ADCY2: variants seen among roughly 807,000 people sequenced by gnomAD.
ADCY2 encodes adenylate cyclase type 2.
A neutral mutation model predicts 125.2 loss-of-function variants in ADCY2; 31 were observed. The ratio of observed to expected loss-of-function variants is 0.25; its 90% CI spans 0.19 to 0.33. ADCY2 has a LOEUF of 0.33. Among genes scored for constraint, ADCY2 ranks in the 10% least tolerant of loss-of-function variants. The pLI, the probability that ADCY2 is intolerant of heterozygous loss-of-function variation, is 1.00. For synonymous variants in ADCY2, 512 were observed against 548.4 expected (o/e 0.93, Z 0.93); for missense variants, 904 against 1,418.2 (o/e 0.64, Z 5.82).
At chr5:7,426,182 C>A (rs986535052) in intron 2 of ADCY2, among the ~76,000 whole-genome samples, 5 of 152,154 alleles carry the variant, frequency 3.3e-5, no homozygotes, top group Admixed American at 3.3e-4. Context: ...AGATTAGTGC[C>A]CTCTAATAGG....
chr5:7,770,827 G>C (rs1188673246), intron 17 of ADCY2, among the ~76,000 whole-genome samples: 1 of 152,170 alleles, frequency 6.6e-6, no homozygotes, highest in Non-Finnish European at 1.5e-5. Flanking sequence ...CTTTGTGAAG[G>C]CCCTTTTTTC....
intron 2 of ADCY2, among the ~76,000 whole-genome samples, chr5:7,501,103 A>G (rs1187175083): frequency 9.3e-5 from 14 of 150,882 alleles, no homozygotes; most frequent in Admixed American, 2.0e-4. Context: ...CGCAAGTAAC[A>G]GCTACAATTT....
intron 3 of ADCY2, among the ~76,000 whole-genome samples, chr5:7,613,163 A>T (rs1053110794): frequency 6.6e-6 from 1 of 152,040 alleles, no homozygotes; most frequent in Non-Finnish European, 1.5e-5. Context: ...ATAATAATAA[A>T]AAAAAAAAGA....
chr5:7,825,180 G>A (rs113069956), intron 24 of ADCY2, among the ~76,000 whole-genome samples: 6 of 151,956 alleles, frequency 3.9e-5, no homozygotes, highest in South Asian at 2.1e-4. Context: ...GCTGCTGTGC[G>A]CCACGACAAC....
At chr5:7,607,929 C>A (rs1193450613) in intron 3 of ADCY2, among the ~76,000 whole-genome samples, 1 of 152,162 alleles carries the variant, frequency 6.6e-6, no homozygotes. Flanking sequence ...CTGGGGAGAC[C>A]TGTCAACACA....
chr5:7,632,272 A>G (rs1418240101), intron 4 of ADCY2, among the ~76,000 whole-genome samples: 1 of 152,190 alleles, frequency 6.6e-6, no homozygotes, highest in Non-Finnish European at 1.5e-5. Flanking sequence ...ATCTCAGACC[A>G]TTAATTAAAC....
chr5:7,435,525 G>A (rs1028255411), intron 2 of ADCY2, among the ~76,000 whole-genome samples: 14 of 152,268 alleles, frequency 9.2e-5, no homozygotes, highest in African/African-American at 3.4e-4. Flanking sequence ...TCTAAGTGCA[G>A]GAAACACTCT....
intron 3 of ADCY2, among the ~76,000 whole-genome samples, chr5:7,553,828 A>G (rs1239884398): frequency 1.3e-5 from 2 of 152,218 alleles, no homozygotes; most frequent in Non-Finnish European, 2.9e-5. Context: ...TTCAATCCAG[A>G]GCACCTTACC....
chr5:7,409,869 T>A (rs537018666), intron 1 of ADCY2, among the ~76,000 whole-genome samples: 1 of 152,206 alleles, frequency 6.6e-6, no homozygotes, highest in Non-Finnish European at 1.5e-5. Context: ...GTTTTATAGA[T>A]GTTTAAAATT....
At chr5:7,449,303 A>G (rs141729420) in intron 2 of ADCY2, among the ~76,000 whole-genome samples, 2 of 152,320 alleles carry the variant, frequency 1.3e-5, no homozygotes, top group African/African-American at 4.8e-5. Context: ...TTTTTCTTTT[A>G]AGAAATGTTG....
At chr5:7,516,029 C>G (rs1034670077) in intron 2 of ADCY2, among the ~76,000 whole-genome samples, 1 of 152,098 alleles carries the variant, frequency 6.6e-6, no homozygotes, top group Non-Finnish European at 1.5e-5. Flanking sequence ...CAGAATCATG[C>G]ATCTGGCAGT....
chr5:7,420,102 G>A (rs1049621821), intron 2 of ADCY2, among the ~76,000 whole-genome samples: 2 of 152,158 alleles, frequency 1.3e-5, no homozygotes, highest in Non-Finnish European at 2.9e-5. Flanking sequence ...TCTTCCATTT[G>A]TCACAGCTTG....
chr5:7,560,489 T>C (rs1735674210), intron 3 of ADCY2, among the ~76,000 whole-genome samples: 1 of 152,188 alleles, frequency 6.6e-6, no homozygotes, highest in Admixed American at 6.5e-5. Flanking sequence ...TGTCTTTATC[T>C]CATATCTACC....
intron 2 of ADCY2, among the ~76,000 whole-genome samples, chr5:7,470,473 A>G (rs1185171068): frequency 1.3e-5 from 2 of 149,962 alleles, no homozygotes; most frequent in South Asian, 2.1e-4. Flanking sequence ...TATCTAATAT[A>G]TGTATTAGAC....
rs965874119 is a variant in ADCY2, at chr5:7,768,798, A to G, written c.2214+1992A>G. On this transcript the variant is annotated intron_variant, in intron 17 of 24. Coordinates refer to ENST00000338316, the MANE Select transcript of ADCY2 (RefSeq NM_020546.3). ...GGTGGGATTTAGTAAACAGGCTACT[A>G]TCTTTCCAATCATGAGGCCTTGAAG... Among the ~76,000 whole-genome samples the G allele has an allele frequency of 3.3e-5, 5 of 152,344 alleles. 1 individual carries two copies. In the East Asian group the frequency reaches 7.7e-4, roughly 24 times the overall value.
chr5:7,656,625 C>A (rs1739337666), intron 4 of ADCY2, among the ~76,000 whole-genome samples: 1 of 152,200 alleles, frequency 6.6e-6, no homozygotes, highest in African/African-American at 2.4e-5. Context: ...GTTGTCCCAT[C>A]CCCACTCATA....
intron 6 of ADCY2, 66 bp from the exon 7 acceptor site, chr5:7,698,181 T>C: frequency 6.3e-7 from 1 of 1,598,484 alleles, no homozygotes; most frequent in South Asian, 1.1e-5. Flanking sequence ...CTTGATGATA[T>C]TACATGAATC....
intron 2 of ADCY2, among the ~76,000 whole-genome samples, chr5:7,464,432 T>C (rs1742031144): frequency 6.6e-6 from 1 of 152,206 alleles, no homozygotes; most frequent in Non-Finnish European, 1.5e-5. Context: ...GAGTGCCATC[T>C]ACTGACCTAC....
At chr5:7,617,794 T>C (rs556490525) in intron 3 of ADCY2, among the ~76,000 whole-genome samples, 2 of 152,290 alleles carry the variant, frequency 1.3e-5, no homozygotes, top group Non-Finnish European at 1.5e-5. Context: ...GAGTACACTG[T>C]GGGGAGAGTG....
Sources: allele counts gnomAD v4.1 joint callset (sites outside exome capture counted in the v4.1 genomes callset), GRCh38; gene constraint gnomAD v4.1.1; transcripts MANE v1.5; gene names NCBI Gene and HGNC (gene_info 2026-07-23, HGNC 2026-07-21).